DMD: variants seen among roughly 807,000 people sequenced by gnomAD.
DMD encodes the protein dystrophin.
A neutral mutation model predicts 330.1 loss-of-function variants in DMD; 63 were observed. That is an observed-to-expected ratio of 0.19 (90% CI 0.16 to 0.24). DMD has a LOEUF of 0.24. Among genes scored for constraint, DMD ranks in the 10% least tolerant of loss-of-function variants. The probability of loss-of-function intolerance (pLI) is 1.00; values close to 1 mark genes in which losing one functional copy is unlikely to be tolerated. For missense variants in DMD, 3,344 were observed against 2,684.1 expected (o/e 1.25, Z -5.43); for synonymous variants, 1,223 against 959.8 (o/e 1.27, Z -5.07).
intron 61 of DMD, among the ~76,000 whole-genome samples, chrX:31,342,803 G>T (rs1380969890): frequency 8.9e-6 from 1 of 111,850 alleles, no homozygotes; most frequent in Non-Finnish European, 1.9e-5. Context: ...TTGAGACAGA[G>T]TCTCTCTCTA....
At chrX:32,047,118 T>C (rs191147377) in intron 44 of DMD, among the ~76,000 whole-genome samples, 26 of 111,544 alleles carry the variant, frequency 2.3e-4, no homozygotes, top group African/African-American at 7.5e-4. Flanking sequence ...CTTTTTAGGC[T>C]TCATATGCCA....
intron 62 of DMD, among the ~76,000 whole-genome samples, chrX:31,297,542 A>C (rs766207915): frequency 8.9e-6 from 1 of 112,077 alleles, no homozygotes; most frequent in Non-Finnish European, 1.9e-5. Flanking sequence ...CCAACATTGA[A>C]ATCTTTTCAT....
intron 11 of DMD, among the ~76,000 whole-genome samples, chrX:32,633,066 A>G (rs5972628): frequency 0.24 from 26,941 of 111,543 alleles, 4,372 homozygotes; most frequent in African/African-American, 0.6. Context: ...TTAAATATAC[A>G]TGTATAAATA....
At chrX:32,655,353 G>C (rs2060485781) in intron 9 of DMD, among the ~76,000 whole-genome samples, 1 of 112,154 alleles carries the variant, frequency 8.9e-6, no homozygotes. Context: ...GTTCTCATTG[G>C]TTTCAAAGAA....
In DMD at chrX:31,836,757, C is replaced by T. The variant is rs1403281123; in HGVS notation, c.7161G>A (p.Gln2387=). Residue 2387 remains glutamine, a synonymous_variant, in exon 49 of 79, where the codon CAG becomes CAA. Transcript: ENST00000357033. The part of the protein sequence containing the change: ...PDVEEILSKG[Q]HLYKEKPATQ... ...TGGCTGGTTTTTCCTTGTACAAATGCTGCCCTTTAGACAAAATCTCTTCCA... is the reference window on the plus strand; with the variant it reads ...TGGCTGGTTTTTCCTTGTACAAATGTTGCCCTTTAGACAAAATCTCTTCCA... 2 of 1,210,114 alleles carry T rather than the reference C, an allele frequency of 1.7e-6. No homozygotes were observed. The highest frequency in any genetic ancestry group is 2.2e-6 in the Non-Finnish European group (2 of 895,151).
At chrX:31,940,204 A>T (rs1447087040) in intron 45 of DMD, among the ~76,000 whole-genome samples, 1 of 111,765 alleles carries the variant, frequency 8.9e-6, no homozygotes, top group East Asian at 2.8e-4. Context: ...GAAGATGGGG[A>T]GCAGTTGTGA....
chrX:31,514,029 T>G (rs1257723026), intron 55 of DMD, among the ~76,000 whole-genome samples: 1 of 111,872 alleles, frequency 8.9e-6, no homozygotes, highest in African/African-American at 3.2e-5. Context: ...GTTTTTCCTA[T>G]TAATAATGCT....
chrX:32,582,738 A>G (rs12390267), intron 13 of DMD, among the ~76,000 whole-genome samples: 4,046 of 111,718 alleles, frequency 0.036, 188 homozygotes, highest in African/African-American at 0.12. Flanking sequence ...TAATGTGACT[A>G]AACTCTAGAC....
chrX:32,530,183 C>T (rs998912719), intron 17 of DMD, among the ~76,000 whole-genome samples: 1 of 111,850 alleles, frequency 8.9e-6, no homozygotes, highest in East Asian at 2.8e-4. Context: ...TATGGCATAC[C>T]GAATTATATA....
intron 47 of DMD, among the ~76,000 whole-genome samples, chrX:31,897,365 T>C (rs1189773124): frequency 9.2e-6 from 1 of 108,278 alleles, no homozygotes; most frequent in Admixed American, 1.0e-4. Flanking sequence ...CTATTGTGAA[T>C]AGCGCCGCAA....
At chrX:32,783,084 T>C (rs779927597) in intron 7 of DMD, among the ~76,000 whole-genome samples, 3 of 98,335 alleles carry the variant, frequency 3.1e-5, no homozygotes, top group Non-Finnish European at 6.0e-5. Context: ...TACACACACA[T>C]ATACATATAT....
In DMD at chrX:32,214,359, C is replaced by T. The variant is rs1055724620; in HGVS notation, c.6438+2557G>A. ...AGATGAAGCTGAGAGTTTCAGCAGC[C>T]CAAGGCTGACTAGTGATCACAGGGC... On this transcript the variant is annotated intron_variant, in intron 44 of 78. Coordinates refer to ENST00000357033, the MANE Select transcript of DMD (RefSeq NM_004006.3). Among the ~76,000 whole-genome samples the T allele has an allele frequency of 5.4e-5, 6 of 111,129 alleles. No individual in the cohort carries two copies. The East Asian group carries it at 1.7e-3, about 31-fold the overall frequency.
chrX:31,827,868 GATT>G (rs758696981), intron 49 of DMD, among the ~76,000 whole-genome samples: 34 of 111,214 alleles, frequency 3.1e-4, no homozygotes, highest in Admixed American at 1.3e-3. Context: ...TTTTTGAAAT[GATT>G]AATAGTGACA....
At position 32,870,976 on chromosome X, in the gene DMD, A is replaced by G. The variant is rs975030664; in HGVS notation, c.94-21156T>C. Among the ~76,000 whole-genome samples the G allele has an allele frequency of 3.7e-3, 296 of 79,749 alleles. 14 individuals carry two copies. Among genetic ancestry groups the G allele is most frequent in the Admixed American group, 0.026 (174 of 6,631 alleles). 69.3% of individuals were successfully genotyped at this position (79,749 alleles called of 115,157 possible). ...TGTACAGCAAAAAAAAAAAAAAAAA[A>G]AAAAAAAAAAAACCACAAAACCCAT... is the stretch of plus-strand genomic sequence containing the variant. On this transcript the variant is annotated intron_variant, in intron 2 of 78. Transcript: ENST00000357033.
At chrX:31,851,335 A>G (rs1357940581) in intron 48 of DMD, among the ~76,000 whole-genome samples, 1 of 111,991 alleles carries the variant, frequency 8.9e-6, no homozygotes, top group African/African-American at 3.2e-5. Context: ...TAATCTGTCC[A>G]AATATACAAA....
intron 55 of DMD, among the ~76,000 whole-genome samples, chrX:31,602,560 C>A (rs752863660): frequency 1.8e-5 from 2 of 110,978 alleles, no homozygotes; most frequent in South Asian, 7.7e-4. Context: ...CATGGAAGAG[C>A]TACCAAGCAG....
intron 43 of DMD, among the ~76,000 whole-genome samples, chrX:32,282,815 TA>T (rs2097425492): frequency 8.9e-6 from 1 of 112,358 alleles, no homozygotes; most frequent in African/African-American, 3.2e-5. Flanking sequence ...TTTTCTCCCT[TA>T]TAAAATAATG....
Position 31,304,996 on chromosome X carries a change from T to C in DMD, c.9224+18602A>G, listed in dbSNP as rs946696895. Among the ~76,000 whole-genome samples, 8 of 111,890 alleles carry C rather than the reference T, an allele frequency of 7.1e-5. No individual in the cohort carries two copies. The Admixed American group carries it at 7.6e-4, about 11-fold the overall frequency. On this transcript the variant is annotated intron_variant, in intron 62 of 78. Coordinates refer to ENST00000357033, the MANE Select transcript of DMD (RefSeq NM_004006.3). Reference sequence around the variant, plus strand: ...CTATCTAGTTGACAAGCAATTTTTTTTTGTTTAGATTAAATGTTTTCCTGT... The same window carrying C: ...CTATCTAGTTGACAAGCAATTTTTTCTTGTTTAGATTAAATGTTTTCCTGT...
At chrX:32,052,990 T>C (rs949252930) in intron 44 of DMD, among the ~76,000 whole-genome samples, 8 of 111,605 alleles carry the variant, frequency 7.2e-5, no homozygotes, top group Non-Finnish European at 1.3e-4. Context: ...CAATAAAGAA[T>C]ACTCATAAAT....
Sources: allele counts gnomAD v4.1 joint callset (sites outside exome capture counted in the v4.1 genomes callset), GRCh38; gene constraint gnomAD v4.1.1; transcripts MANE v1.5; gene names NCBI Gene and HGNC (gene_info 2026-07-23, HGNC 2026-07-21).